Variants in ENTPD7 observed in about 807,000 individuals in gnomAD.
ENTPD7 encodes the protein NTPDase 7.
A neutral mutation model predicts 77.9 loss-of-function variants in ENTPD7; 53 were observed. The observed-to-expected ratio is 0.68, with a 90% CI of 0.55 to 0.85. The LOEUF (loss-of-function observed/expected upper bound fraction) is 0.85. Ranked by LOEUF, ENTPD7 falls within the 40% of genes least tolerant of loss-of-function variation. ENTPD7 has a pLI of 0.00. For missense variants in ENTPD7, 636 were observed against 743.7 expected (o/e 0.86, Z 1.68); for synonymous variants, 248 against 274.9 (o/e 0.90, Z 0.97).
At chr10:99,691,541 T>G (rs1204141682) in intron 8 of ENTPD7, 23 bp downstream of exon 8, 1 of 1,611,788 alleles carries the variant, frequency 6.2e-7, no homozygotes, top group African/African-American at 1.3e-5. Context: ...TTAGGGAAAT[T>G]TAGTTGCTAG....
At chr10:99,694,538 G>GTT (rs150413650) in intron 8 of ENTPD7, among the ~76,000 whole-genome samples, 3,771 of 134,232 alleles carry the variant, frequency 0.028, 117 homozygotes, top group Admixed American at 0.057. Flanking sequence ...AAGTTTTTTT[G>GTT]TTTTTTTTTT....
intron 3 of ENTPD7, among the ~76,000 whole-genome samples, chr10:99,667,691 T>C (rs991139567): frequency 6.6e-6 from 1 of 152,184 alleles, no homozygotes; most frequent in Non-Finnish European, 1.5e-5. Context: ...CAGAACACAG[T>C]AGATAACAGC....
intron 2 of ENTPD7, 30 bp from the exon 3 acceptor site, chr10:99,661,416 T>G (rs768583168): frequency 6.4e-7 from 1 of 1,569,816 alleles, no homozygotes; most frequent in Non-Finnish European, 8.6e-7. Context: ...TAGAAATGTT[T>G]CAGACTTACT....
chr10:99,704,303 A>G (rs569272340), intron 12 of ENTPD7, 149 bp from the exon 13 acceptor site: 2 of 771,160 alleles, frequency 2.6e-6, no homozygotes, highest in African/African-American at 3.5e-5. Context: ...GATGTTCTTC[A>G]GCTTTGCCTG....
chr10:99,679,179 AT>A, intron 3 of ENTPD7, 81 bp from the exon 4 acceptor site: 1 of 1,353,108 alleles, frequency 7.4e-7, no homozygotes. Context: ...CTTAATGAAG[AT>A]TCATGAACAA....
At chr10:99,677,696 G>A (rs529907798) in intron 3 of ENTPD7, among the ~76,000 whole-genome samples, 202 of 152,200 alleles carry the variant, frequency 1.3e-3, no homozygotes, top group African/African-American at 4.3e-3. Flanking sequence ...TCAACTCTTA[G>A]TCTTCTTTAT....
chr10:99,699,011 G>A (rs2133505057), intron 10 of ENTPD7, among the ~76,000 whole-genome samples, 153 bp downstream of exon 10: 1 of 152,332 alleles, frequency 6.6e-6, no homozygotes, highest in Non-Finnish European at 1.5e-5. Flanking sequence ...AGATGAGGAA[G>A]TGGACAGAGA....
intron 3 of ENTPD7, among the ~76,000 whole-genome samples, chr10:99,671,625 C>A (rs572040712): frequency 1.3e-5 from 2 of 152,200 alleles, no homozygotes; most frequent in Non-Finnish European, 2.9e-5. Flanking sequence ...GAACTTCTAG[C>A]ATGTATACAT....
At chr10:99,672,944 G>T (rs1336877334) in intron 3 of ENTPD7, among the ~76,000 whole-genome samples, 1 of 152,214 alleles carries the variant, frequency 6.6e-6, no homozygotes, top group Non-Finnish European at 1.5e-5. Flanking sequence ...GTAATGGTTT[G>T]CTTAGTTACA....
chr10:99,664,138 A>G (rs1365439628), intron 3 of ENTPD7, among the ~76,000 whole-genome samples: 2 of 152,154 alleles, frequency 1.3e-5, no homozygotes, highest in African/African-American at 2.4e-5. Context: ...AGTTGCACAG[A>G]AGGTCTATAT....
chr10:99,683,827 A>G (rs1319955473), intron 5 of ENTPD7, among the ~76,000 whole-genome samples: 5 of 152,254 alleles, frequency 3.3e-5, no homozygotes, highest in South Asian at 2.1e-4. Flanking sequence ...TGGCTGTGCC[A>G]TAAGTTATTT....
chr10:99,702,287 TA>T (rs975953044), intron 11 of ENTPD7, among the ~76,000 whole-genome samples: 2 of 151,690 alleles, frequency 1.3e-5, no homozygotes, highest in Non-Finnish European at 2.9e-5. Flanking sequence ...TAGGGACTCT[TA>T]AAAAAAAGAA....
At chr10:99,681,083 GTGTA>G (rs1023168118) in intron 5 of ENTPD7, among the ~76,000 whole-genome samples, 8 of 152,046 alleles carry the variant, frequency 5.3e-5, no homozygotes, top group African/African-American at 1.9e-4. Context: ...ATTCCACTGT[GTGTA>G]TGTACCATGT....
rs2035487333 is a variant in ENTPD7, at chr10:99,661,550, C to T, written c.113C>T (p.Ser38Phe). ...RVAFLGLFFI[S>F]CLLLLMLIID... ...GCATTCCTGGGACTCTTCTTCATAT[C>T]CTGTCTCCTTTTACTTATGTTAATC... The change falls in exon 3 of 13, where the codon TCC (serine) becomes TTC (phenylalanine). Residue 38 changes from serine to phenylalanine, a missense_variant. Transcript: ENST00000370489. The T allele has an allele frequency of 6.2e-7, 1 of 1,613,950 alleles. No homozygotes were observed. Among genetic ancestry groups the T allele is most frequent in the African/African-American group, 1.3e-5 (1 of 75,020 alleles).
At position 99,679,476 on chromosome 10, in the gene ENTPD7, A is replaced by G; in HGVS notation, c.397+10A>G. The G allele has an allele frequency of 6.2e-7, 1 of 1,601,694 alleles. No individual in the cohort carries two copies. Among genetic ancestry groups the G allele is most frequent in the Non-Finnish European group, 8.5e-7 (1 of 1,175,530 alleles). ...AAAAAAATCAAGCCAGGTACTAATC[A>G]GAATATATTTTGTTGTCAGTCTCTT... is the stretch of plus-strand genomic sequence containing the variant. On this transcript the variant is annotated intron_variant, in intron 4 of 12. Transcript: ENST00000370489.
At chr10:99,691,733 G>A (rs1473715734) in intron 8 of ENTPD7, among the ~76,000 whole-genome samples, 2 of 152,080 alleles carry the variant, frequency 1.3e-5, no homozygotes, top group Non-Finnish European at 2.9e-5. Flanking sequence ...AAGTTATGAG[G>A]ATGAAATAAT....
Position 99,679,792 on chromosome 10 carries a change from T to A in ENTPD7, c.465T>A (p.Ala155=), listed in dbSNP as rs189567830. ...ACCTTCGTCCTCTGCTGAGCTTTGC[T>A]GCTGCTCATGTGCCTGTGAAGAAGC... ...SDYLRPLLSF[A]AAHVPVKKHK... The change falls in exon 5 of 13, where the codon GCT becomes GCA. Residue 155 remains alanine, a synonymous_variant. Coordinates refer to ENST00000370489, the MANE Select transcript of ENTPD7 (RefSeq NM_020354.5). 34 of 1,614,262 alleles carry A rather than the reference T, an allele frequency of 2.1e-5. No individual in the cohort carries two copies. The Admixed American group carries it at 5.7e-4, about 27-fold the overall frequency.
chr10:99,661,024 A>C (rs1458155104), intron 2 of ENTPD7, among the ~76,000 whole-genome samples: 1 of 152,182 alleles, frequency 6.6e-6, no homozygotes, highest in Non-Finnish European at 1.5e-5. Flanking sequence ...ATATCCTTTT[A>C]AACTGATTTG....
Position 99,682,213 on chromosome 10 carries a change from T to A in ENTPD7, c.548+2338T>A, listed in dbSNP as rs1254523736. Among the ~76,000 whole-genome samples the A allele has an allele frequency of 3.3e-3, 496 of 151,868 alleles. 3 individuals are homozygous for A. Among genetic ancestry groups the A allele is most frequent in the African/African-American group, 0.011 (474 of 41,420 alleles). On this transcript the variant is annotated intron_variant, in intron 5 of 12. Coordinates refer to ENST00000370489, the MANE Select transcript of ENTPD7 (RefSeq NM_020354.5). ...GGTCAACAGCAGTTTTTTTTTTTTT[T>A]TACAACGTTTAAATTTTATAGTTGG... is the stretch of plus-strand genomic sequence containing the variant.
Sources: allele counts gnomAD v4.1 joint callset (sites outside exome capture counted in the v4.1 genomes callset), GRCh38; gene constraint gnomAD v4.1.1; transcripts MANE v1.5; gene names NCBI Gene and HGNC (gene_info 2026-07-23, HGNC 2026-07-21).